Variants in ZDHHC20 observed in about 807,000 individuals in gnomAD.
ZDHHC20 encodes palmitoyltransferase ZDHHC20.
In ZDHHC20, 43 loss-of-function variants were observed where a neutral mutation model predicts 57.8. That is an observed-to-expected ratio of 0.74 (90% CI 0.58 to 0.96). ZDHHC20 has a LOEUF of 0.96. Ranked by LOEUF, ZDHHC20 falls within the 40% of genes least tolerant of loss-of-function variation. The pLI is 0.00. For missense variants in ZDHHC20, 391 were observed against 441.1 expected, an observed-to-expected ratio of 0.89 and a Z score of 1.02; for synonymous variants, 157 against 153.0, an observed-to-expected ratio of 1.03 and a Z score of -0.19.
chr13:21,375,361 G>A lies in ZDHHC20; in HGVS notation c.*1335C>T, dbSNP rs1455152360. ...TATTTTGGGGGGGGTGTGTGTGTGT[G>A]TGTGTCTGTCTGTCTAAAAGGTGTA... On this transcript the variant is annotated 3_prime_UTR_variant, in exon 13 of 13. Transcript: ENST00000400590. The A allele has an allele frequency of 2.8e-6, 1 of 356,324 alleles. No individual in the cohort carries two copies. The highest frequency in any genetic ancestry group is 7.9e-5 in the East Asian group (1 of 12,706). 22.1% of individuals were successfully genotyped at this position (356,324 alleles called of 1,614,324 possible). A position where few individuals can be genotyped will look rare whatever the true frequency, so the allele number is the denominator to read the frequency against.
intron 11 of ZDHHC20, 139 bp downstream of exon 11, chr13:21,381,295 C>T (rs935052618): frequency 6.0e-5 from 45 of 743,898 alleles, no homozygotes; most frequent in Non-Finnish European, 7.9e-5. Flanking sequence ...CGTGAGCCAC[C>T]GCGCCCAGCA....
chr13:21,436,838 G>A (rs180923360), intron 1 of ZDHHC20, among the ~76,000 whole-genome samples: 6 of 152,310 alleles, frequency 3.9e-5, no homozygotes, highest in Non-Finnish European at 7.4e-5. Flanking sequence ...CAGGATAAAC[G>A]CTAGGCCTCT....
chr13:21,422,890 ATT>A (rs1166501562), intron 2 of ZDHHC20, among the ~76,000 whole-genome samples: 1 of 152,152 alleles, frequency 6.6e-6, no homozygotes, highest in African/African-American at 2.4e-5. Context: ...CAGTCACCAT[ATT>A]TGACTATAGG....
At chr13:21,378,616 C>A in intron 12 of ZDHHC20, 45 bp downstream of exon 12, 1 of 1,103,524 alleles carries the variant, frequency 9.1e-7, no homozygotes. Flanking sequence ...ATGAAATATG[C>A]AAATAAGCTG....
chr13:21,428,209 T>C (rs201903273), intron 1 of ZDHHC20, among the ~76,000 whole-genome samples: 6 of 152,160 alleles, frequency 3.9e-5, no homozygotes, highest in South Asian at 2.1e-4. Context: ...TCCCAAAATA[T>C]ATTTTTCTTT....
intron 11 of ZDHHC20, among the ~76,000 whole-genome samples, chr13:21,379,620 TTATTAC>T (rs1423302733): frequency 6.6e-6 from 1 of 151,988 alleles, no homozygotes; most frequent in Non-Finnish European, 1.5e-5. Context: ...ATAATCAGTG[TTATTAC>T]TATTATCATT....
At position 21,374,405 on chromosome 13, in the gene ZDHHC20, T is replaced by C. The variant is rs748692598; in HGVS notation, c.*2291A>G. ...ATGCCTGGACAGTTTTGGGGTTTTT[T>C]TGTATTTTTAGTGGAGACAGGGTTT... On this transcript the variant is annotated 3_prime_UTR_variant, in exon 13 of 13. Transcript: ENST00000400590. 5.0e-5 allele frequency: 23 copies of C among 455,948 alleles called. No homozygotes were observed. Among genetic ancestry groups the C allele is most frequent in the South Asian group, 2.9e-4 (19 of 64,554 alleles). 28.2% of individuals were successfully genotyped at this position (455,948 alleles called of 1,614,324 possible). A position where few individuals can be genotyped will look rare whatever the true frequency, so the allele number is the denominator to read the frequency against.
intron 1 of ZDHHC20, among the ~76,000 whole-genome samples, chr13:21,442,811 T>C (rs946986372): frequency 1.3e-5 from 2 of 152,156 alleles, no homozygotes; most frequent in Admixed American, 6.5e-5. Context: ...CAGATATTTA[T>C]TTATATTTAT....
chr13:21,378,858 AT>A, intron 11 of ZDHHC20, 120 bp from the exon 12 acceptor site: 1 of 473,892 alleles, frequency 2.1e-6, no homozygotes, highest in Non-Finnish European at 3.5e-6. Context: ...AAATAGGCTT[AT>A]GGTGTCAACC....
chr13:21,455,665 TG>T (rs1884863627), intron 1 of ZDHHC20, among the ~76,000 whole-genome samples: 1 of 141,832 alleles, frequency 7.1e-6, no homozygotes, highest in Non-Finnish European at 1.6e-5. Flanking sequence ...TGTGTGTGTG[TG>T]TGTGTGTCTA....
chr13:21,445,827 A>T (rs1387278059), intron 1 of ZDHHC20, among the ~76,000 whole-genome samples: 3 of 152,218 alleles, frequency 2.0e-5, no homozygotes, highest in Non-Finnish European at 4.4e-5. Context: ...GAGGGGGGAA[A>T]AATGCAGGGT....
chr13:21,380,465 T>G (rs1482895433), intron 11 of ZDHHC20, among the ~76,000 whole-genome samples: 6 of 151,932 alleles, frequency 3.9e-5, no homozygotes, highest in African/African-American at 1.4e-4. Context: ...TTTTCAAGAA[T>G]TATTTTCAAC....
At chr13:21,453,780 G>A (rs796276475) in intron 1 of ZDHHC20, among the ~76,000 whole-genome samples, 1 of 152,042 alleles carries the variant, frequency 6.6e-6, no homozygotes, top group South Asian at 2.1e-4. Context: ...GCAGTGAGCC[G>A]AGATTGCGCC....
chr13:21,432,076 T>G (rs1417602974), intron 1 of ZDHHC20, among the ~76,000 whole-genome samples: 1 of 152,150 alleles, frequency 6.6e-6, no homozygotes, highest in Admixed American at 6.5e-5. Context: ...GTTTTATATT[T>G]AGGTCTGTAA....
chr13:21,426,209 C>T (rs1166886157), intron 1 of ZDHHC20, among the ~76,000 whole-genome samples: 1 of 152,208 alleles, frequency 6.6e-6, no homozygotes, highest in Non-Finnish European at 1.5e-5. Flanking sequence ...GTCTACCTCT[C>T]TTATGTTTTC....
At chr13:21,416,067 T>TACC (rs1879920704) in intron 3 of ZDHHC20, among the ~76,000 whole-genome samples, 1 of 151,846 alleles carries the variant, frequency 6.6e-6, no homozygotes, top group African/African-American at 2.4e-5. Context: ...TAGCTGGGTG[T>TACC]GGTGGCATGC....
chr13:21,383,095 G>A lies in ZDHHC20; in HGVS notation c.855-86C>T, dbSNP rs1289505448. The A allele has an allele frequency of 5.9e-6, 7 of 1,194,020 alleles. 1 individual carries two copies. Among genetic ancestry groups the A allele is most frequent in the Middle Eastern group, 5.1e-4 (2 of 3,890 alleles). The allele number at this position is 1,194,020 out of a possible 1,614,324, so 74.0% of individuals were successfully genotyped here. ...TTAACACTCATTTTTCAGAGACATG[G>A]CATACATTATCATAACTTGTCATAT... On this transcript the variant is annotated intron_variant, in intron 9 of 12. Coordinates refer to ENST00000400590, the MANE Select transcript of ZDHHC20 (RefSeq NM_001330059.2).
chr13:21,404,753 CAA>C (rs11391004), intron 4 of ZDHHC20, among the ~76,000 whole-genome samples: 7 of 78,876 alleles, frequency 8.9e-5, no homozygotes, highest in Admixed American at 2.9e-4. Flanking sequence ...GATTCCATCT[CAA>C]AAAAAAAAAA....
chr13:21,447,914 G>T (rs1883936334), intron 1 of ZDHHC20, among the ~76,000 whole-genome samples: 2 of 115,666 alleles, frequency 1.7e-5, no homozygotes, highest in Non-Finnish European at 3.9e-5. Flanking sequence ...CTGAGATGTG[G>T]GGAGCGCCTC....
Sources: allele counts gnomAD v4.1 joint callset (sites outside exome capture counted in the v4.1 genomes callset), GRCh38; gene constraint gnomAD v4.1.1; transcripts MANE v1.5; gene names NCBI Gene and HGNC (gene_info 2026-07-23, HGNC 2026-07-21).